Variants in RMDN2 observed in about 807,000 individuals in gnomAD.
RMDN2 encodes the protein regulator of microtubule dynamics protein 2.
Under a neutral mutation model 52.8 loss-of-function variants are expected in RMDN2, and 61 were observed. That is an observed-to-expected ratio of 1.16 (90% CI 0.94 to 1.43). The LOEUF is 1.43. Among genes scored for constraint, RMDN2 ranks in the 40% most tolerant of loss-of-function variants. The pLI is 0.00. For synonymous variants in RMDN2, 180 were observed against 153.1 expected (o/e 1.18, Z -1.30); for missense variants, 592 against 475.3 (o/e 1.25, Z -2.28).
rs748121475 is a variant in RMDN2 at position 37,989,507 on chromosome 2, G to A, written c.792-34G>A. The A allele has an allele frequency of 2.0e-5, 29 of 1,430,276 alleles. No individual in the cohort carries two copies. The Admixed American group carries it at 5.3e-4, about 26-fold the overall frequency. The allele number at this position is 1,430,276 out of a possible 1,614,324, so 88.6% of individuals were successfully genotyped here. A position where few individuals can be genotyped will look rare whatever the true frequency, so the allele number is the denominator to read the frequency against. ...GCATTTTGTTAAAAATTTACACAGT[G>A]GCCACTGTTTTTGTCTGTTTTTGTC... On this transcript the variant is annotated intron_variant, in intron 5 of 10. Coordinates refer to ENST00000354545, the MANE Select transcript of RMDN2 (RefSeq NM_001170791.3).
At chr2:38,020,590 G>A (rs1169379033), downstream of RMDN2, among the ~76,000 whole-genome samples, 8 of 152,322 alleles carry the variant, frequency 5.3e-5, no homozygotes, top group African/African-American at 9.6e-5. Context: ...TGGGCTTGGC[G>A]GGCCCCACAC....
chr2:37,974,356 A>C, intron 3 of RMDN2, 142 bp downstream of exon 3: 2 of 480,300 alleles, frequency 4.2e-6, no homozygotes, highest in Non-Finnish European at 6.8e-6. Flanking sequence ...AATGACTAAA[A>C]TTTTTTAAAA....
intron 8 of RMDN2, among the ~76,000 whole-genome samples, chr2:37,998,890 AGACTG>A (rs1297843772): frequency 1.3e-5 from 2 of 152,232 alleles, no homozygotes; most frequent in Admixed American, 6.5e-5. Flanking sequence ...GTGAAGGCTA[AGACTG>A]TATCACTCCC....
At chr2:37,950,357 C>G in intron 2 of RMDN2, 1 of 1,286,572 alleles carries the variant, frequency 7.8e-7, no homozygotes, top group Non-Finnish European at 1.1e-6. Context: ...CATGTGAATT[C>G]CAACTTCGGA....
rs115535680 is a variant in RMDN2 at position 38,037,905 on chromosome 2, G to C, written c.1714-29077G>C. On this transcript the variant is annotated intron_variant, in intron 10 of 10. Coordinates refer to the RMDN2 transcript ENST00000234195. ...CACAGCTAGCGACTGCGTGAGCTGAGTCACATCCAGATCGTTCAGTATGAG... is the reference window on the plus strand; with the variant it reads ...CACAGCTAGCGACTGCGTGAGCTGACTCACATCCAGATCGTTCAGTATGAG... Among the ~76,000 whole-genome samples, 1,046 of 152,316 alleles carry C rather than the reference G, an allele frequency of 6.9e-3. 15 individuals carry two copies. Among genetic ancestry groups the C allele is most frequent in the African/African-American group, 0.024 (1,002 of 41,566 alleles).
chr2:37,924,187 A>T (rs564335342), upstream of RMDN2, among the ~76,000 whole-genome samples: 1 of 152,250 alleles, frequency 6.6e-6, no homozygotes, highest in African/African-American at 2.4e-5. Flanking sequence ...TATGGATTGC[A>T]AAACAAGCCT....
chr2:37,981,940 T>G (rs1168280862), intron 5 of RMDN2, among the ~76,000 whole-genome samples: 1 of 152,104 alleles, frequency 6.6e-6, no homozygotes, highest in Non-Finnish European at 1.5e-5. Context: ...TGTTTTAAAT[T>G]ATTATTCTTC....
intron 4 of RMDN2, among the ~76,000 whole-genome samples, chr2:37,979,081 A>G (rs948810435): frequency 7.9e-5 from 12 of 152,248 alleles, no homozygotes; most frequent in African/African-American, 2.9e-4. Context: ...AAGAGTTTAT[A>G]GTGCCAAAGA....
At chr2:37,941,419 A>C (rs1029815179) in intron 2 of RMDN2, among the ~76,000 whole-genome samples, 7 of 152,208 alleles carry the variant, frequency 4.6e-5, no homozygotes, top group Non-Finnish European at 1.0e-4. Flanking sequence ...GAGTTTGAGC[A>C]CTGTGGTGGG....
chr2:37,924,429 G>A (rs959820434), upstream of RMDN2, among the ~76,000 whole-genome samples: 2 of 152,210 alleles, frequency 1.3e-5, no homozygotes, highest in African/African-American at 2.4e-5. Flanking sequence ...GCGGTGGCGC[G>A]ATCTCGCCTC....
At chr2:37,932,789 G>A (rs1212420243) in intron 2 of RMDN2, among the ~76,000 whole-genome samples, 3 of 127,880 alleles carry the variant, frequency 2.3e-5, no homozygotes, top group Admixed American at 1.5e-4. Flanking sequence ...CTCACCTCCC[G>A]GACGGGGCGG....
chr2:37,938,142 A>C (rs866071316), intron 2 of RMDN2, among the ~76,000 whole-genome samples: 1 of 152,156 alleles, frequency 6.6e-6, no homozygotes, highest in Non-Finnish European at 1.5e-5. Context: ...TTCTGCATCT[A>C]TTGAGATAAT....
At chr2:38,047,223 TTAAATACACA>T (rs756924217) in intron 10 of RMDN2, among the ~76,000 whole-genome samples, 1 of 152,164 alleles carries the variant, frequency 6.6e-6, no homozygotes, top group Non-Finnish European at 1.5e-5. Context: ...ATATGGTAAC[TTAAATACACA>T]TGAAGAAATA....
downstream of RMDN2, among the ~76,000 whole-genome samples, chr2:38,021,662 C>T (rs1054197729): frequency 1.2e-4 from 19 of 152,342 alleles, no homozygotes; most frequent in Admixed American, 6.5e-5. Context: ...ACCAAGAACC[C>T]ACCAATTCTG....
intron 4 of RMDN2, chr2:37,976,363 A>G (rs1196304687): frequency 3.9e-5 from 6 of 152,220 alleles, no homozygotes; most frequent in African/African-American, 1.4e-4. Flanking sequence ...GTACTTTGAC[A>G]TCAAAATCTT....
intron 2 of RMDN2, chr2:37,951,643 T>C (rs1036920349): frequency 6.2e-7 from 1 of 1,613,478 alleles, no homozygotes; most frequent in South Asian, 1.1e-5. Context: ...AGTGCCATTT[T>C]TTTTGATCCT....
intron 2 of RMDN2, among the ~76,000 whole-genome samples, chr2:37,961,900 G>T (rs1218458184): frequency 6.6e-6 from 1 of 152,182 alleles, no homozygotes; most frequent in Non-Finnish European, 1.5e-5. Flanking sequence ...TGTTGATTTT[G>T]ATGTTTTTGC....
intron 4 of RMDN2, among the ~76,000 whole-genome samples, chr2:37,980,128 A>G (rs1558504844): frequency 6.6e-6 from 1 of 152,174 alleles, no homozygotes; most frequent in East Asian, 1.9e-4. Flanking sequence ...TTAGAAAAGC[A>G]TTTTGCATAT....
chr2:37,947,432 A>G (rs1471733042), intron 2 of RMDN2, among the ~76,000 whole-genome samples: 1 of 152,180 alleles, frequency 6.6e-6, no homozygotes, highest in East Asian at 1.9e-4. Context: ...AATAACCAAC[A>G]TTTGTGCTAA....
Sources: allele counts gnomAD v4.1 joint callset (sites outside exome capture counted in the v4.1 genomes callset), GRCh38; gene constraint gnomAD v4.1.1; transcripts MANE v1.5; gene names NCBI Gene and HGNC (gene_info 2026-07-23, HGNC 2026-07-21).